Variants in ZNF18 observed in about 807,000 individuals in gnomAD.
ZNF18 encodes zinc finger protein 18, also known as heart development-specific gene 1 protein.
A neutral mutation model predicts 58.1 loss-of-function variants in ZNF18; 42 were observed. The ratio of observed to expected loss-of-function variants is 0.72; its 90% CI spans 0.56 to 0.93. The LOEUF is 0.93. Ranked by LOEUF, ZNF18 falls within the 40% of genes least tolerant of loss-of-function variation. The pLI is 0.00. For missense variants in ZNF18, 540 were observed against 644.2 expected (o/e 0.84, Z 1.75); for synonymous variants, 231 against 239.8 (o/e 0.96, Z 0.34).
chr17:12,010,573 G>A, the ZNF18 span, among the ~76,000 whole-genome samples: 1 of 151,898 alleles, frequency 6.6e-6, no homozygotes. Context: ...CCGTCACCAC[G>A]CCCAGCTAAT....
At chr17:12,004,007 C>T in the ZNF18 span, among the ~76,000 whole-genome samples, 2 of 151,864 alleles carry the variant, frequency 1.3e-5, no homozygotes, top group South Asian at 2.1e-4. Context: ...CTGAGGCGGG[C>T]GGATCACAAG....
intron 4 of ZNF18, among the ~76,000 whole-genome samples, chr17:11,988,964 GC>G (rs1473643608): frequency 6.6e-6 from 1 of 151,990 alleles, no homozygotes; most frequent in Admixed American, 6.6e-5. Context: ...TTCGAGACCA[GC>G]CTGGTCAACA....
upstream of ZNF18, chr17:11,997,609 G>A (rs1404973338): frequency 6.6e-6 from 1 of 152,322 alleles, no homozygotes; most frequent in African/African-American, 2.4e-5. Flanking sequence ...TGCAGCCCAG[G>A]AGCCTCCACC....
At chr17:11,997,969 TC>T (rs1567611922), upstream of ZNF18, among the ~76,000 whole-genome samples, 3 of 152,168 alleles carry the variant, frequency 2.0e-5, no homozygotes, top group African/African-American at 4.8e-5. Flanking sequence ...CAGCTCTGCA[TC>T]CCCTGGGTCC....
Position 11,977,999 on chromosome 17 carries a change from G to A in ZNF18, c.1608C>T (p.Asp536=). 1 of 1,595,712 alleles carries A rather than the reference G, an allele frequency of 6.3e-7. No homozygotes were observed. The highest frequency in any genetic ancestry group is 8.5e-7 in the Non-Finnish European group (1 of 1,171,054). The change falls in exon 7 of 7, where the codon GAC becomes GAT. Residue 536 remains aspartate, a synonymous_variant. Transcript: ENST00000580306. The part of the protein sequence containing the change: ...GKSFSWSSSL[D]KHQRSHLGKK... ...TTCCTAAGTGGGATCTTTGATGTTT[G>A]TCAAGGCTCGAGCTCCAGCTGAAAC...
At chr17:11,984,002 C>A in intron 5 of ZNF18, 111 bp downstream of exon 5, 1 of 967,566 alleles carries the variant, frequency 1.0e-6, no homozygotes, top group Non-Finnish European at 1.5e-6. Context: ...CTAACGATTT[C>A]TTTCACCTGG....
intron 1 of ZNF18, among the ~76,000 whole-genome samples, chr17:11,996,617 A>C (rs1018481121): frequency 2.0e-5 from 3 of 152,212 alleles, no homozygotes; most frequent in African/African-American, 7.2e-5. Flanking sequence ...TATGAAAAAA[A>C]AATAAGGTTG....
At chr17:12,001,812 T>C (rs190808213), upstream of ZNF18, among the ~76,000 whole-genome samples, 233 of 152,208 alleles carry the variant, frequency 1.5e-3, 1 homozygote, top group African/African-American at 5.3e-3. Context: ...TATATAATTA[T>C]TATTCATGAA....
At chr17:11,992,385 G>A in intron 2 of ZNF18, 58 bp downstream of exon 2, 4 of 1,560,242 alleles carry the variant, frequency 2.6e-6, no homozygotes, top group South Asian at 2.4e-5. Flanking sequence ...CAACACACCT[G>A]ATGGGACCAG....
Position 11,978,632 on chromosome 17 carries a change from CAAGG to C in ZNF18, c.971_974del (p.Ser324Ter). 6.2e-7 allele frequency: 1 copy of C among 1,614,016 alleles called. No individual in the cohort carries two copies. Among genetic ancestry groups the C allele is most frequent in the Non-Finnish European group, 8.5e-7 (1 of 1,180,014 alleles). On this transcript the variant is annotated frameshift_variant, in exon 7 of 7. Coordinates refer to ENST00000580306, the MANE Select transcript of ZNF18 (RefSeq NM_001303281.2). LOFTEE classifies it high-confidence loss of function. ...GCTCATCCTCAGTGAAGAAGCCCCTCAAGGAAGCCTGAGAAGGAACCTCTCCTGA... is the reference window on the plus strand; with the variant it reads ...GCTCATCCTCAGTGAAGAAGCCCCTCAAGCCTGAGAAGGAACCTCTCCTGA...
intron 4 of ZNF18, among the ~76,000 whole-genome samples, chr17:11,987,596 A>G (rs913947802): frequency 4.6e-5 from 7 of 152,316 alleles, no homozygotes; most frequent in African/African-American, 1.7e-4. Context: ...TACGGTTGTA[A>G]AAAACAAATT....
At chr17:11,998,822 C>CTTTTTTTTTTTTTTTTTTTTTTTTTTTT (rs71142260), upstream of ZNF18, among the ~76,000 whole-genome samples, 1 of 108,522 alleles carries the variant, frequency 9.2e-6, no homozygotes. Flanking sequence ...AGTTTCTAGT[C>CTTTTTTTTTTTTTTTTTTTTTTTTTTTT]TTTTTTTTTT....
chr17:12,005,294 A>C, the ZNF18 span, among the ~76,000 whole-genome samples: 1 of 152,084 alleles, frequency 6.6e-6, no homozygotes. Context: ...CATTAAATCA[A>C]ATGGAAACTG....
Position 11,978,506 on chromosome 17 carries a change from C to A in ZNF18, c.1101G>T (p.Glu367Asp). 6.2e-7 allele frequency: 1 copy of A among 1,607,358 alleles called. No individual in the cohort carries two copies. Among genetic ancestry groups the A allele is most frequent in the Non-Finnish European group, 8.5e-7 (1 of 1,177,048 alleles). Residue 367 changes from glutamate to aspartate, a missense_variant, in exon 7 of 7, where the codon GAG becomes GAT. Glu to Asp is a conservative substitution (Grantham distance 45). Transcript: ENST00000580306. ...TAGGCAAATGCTGACCTAGTTGTTT[C>A]TCAGAAATCCTTTCTTGAGGAGACA... ...EQLSPQERIS[E>D]KQLGQHLPNP...
At chr17:12,019,615 A>G in the ZNF18 span, among the ~76,000 whole-genome samples, 2 of 152,070 alleles carry the variant, frequency 1.3e-5, no homozygotes, top group South Asian at 4.1e-4. Flanking sequence ...CTCACCTTCA[A>G]TTTGCCTTTA....
In ZNF18 at chr17:11,978,432, T is replaced by C; in HGVS notation, c.1175A>G (p.Glu392Gly). 3 of 1,552,584 alleles carry C rather than the reference T, an allele frequency of 1.9e-6. No homozygotes were observed. Among genetic ancestry groups the C allele is most frequent in the Non-Finnish European group, 2.6e-6 (3 of 1,152,926 alleles). ...MSTMWLEEKR[E>G]TSQKGQPRAP... ...TCTTGGCTGCCCCTTCTGGGAGGTC[T>C]CTCTCTTCTCCTCAAGCCACATGGT... Residue 392 changes from glutamate (E) to glycine (G), a missense_variant, in exon 7 of 7, where the codon GAG (glutamate) becomes GGG (glycine). Glu to Gly is a moderately conservative substitution (Grantham distance 98, BLOSUM62 -2). Transcript: ENST00000580306.
chr17:11,983,441 G>A, intron 5 of ZNF18, 34 bp from the exon 6 acceptor site: 4 of 1,528,964 alleles, frequency 2.6e-6, no homozygotes, highest in Non-Finnish European at 3.6e-6. Flanking sequence ...GGGCCTGGAT[G>A]AATAGGGAAG....
At position 11,997,416 on chromosome 17, in the gene ZNF18, C is replaced by A. The variant is rs1198848613; in HGVS notation, c.-83+15G>T. On this transcript the variant is annotated intron_variant, in intron 1 of 6. Coordinates refer to ENST00000580306, the MANE Select transcript of ZNF18 (RefSeq NM_001303281.2). ...GAGCGGCCGGAGGCCGGGACCGCCC[C>A]GCAAGCGCGCTCACCTCGGCCCGCG... 2.0e-5 allele frequency: 3 copies of A among 152,204 alleles called. No homozygotes were observed. Among genetic ancestry groups the A allele is most frequent in the Non-Finnish European group, 4.4e-5 (3 of 68,058 alleles). The allele number at this position is 152,204 out of a possible 1,614,324, so 9.4% of individuals were successfully genotyped here. A position where few individuals can be genotyped will look rare whatever the true frequency, so the allele number is the denominator to read the frequency against.
At chr17:11,989,312 GA>G (rs1967951157) in intron 4 of ZNF18, among the ~76,000 whole-genome samples, 2 of 152,204 alleles carry the variant, frequency 1.3e-5, no homozygotes, top group African/African-American at 4.8e-5. Flanking sequence ...GAGACAAAGT[GA>G]AACCCTGTCT....
Sources: allele counts gnomAD v4.1 joint callset (sites outside exome capture counted in the v4.1 genomes callset), GRCh38; gene constraint gnomAD v4.1.1; transcripts MANE v1.5; gene names NCBI Gene and HGNC (gene_info 2026-07-23, HGNC 2026-07-21).